CCDC3: variants seen among roughly 807,000 people sequenced by gnomAD.
CCDC3 encodes the protein coiled-coil domain-containing protein 3.
In CCDC3, 24 loss-of-function variants were observed where a neutral mutation model predicts 21.4. The observed-to-expected ratio is 1.12, with a 90% confidence interval of 0.81 to 1.58. The LOEUF (loss-of-function observed/expected upper bound fraction) is 1.58, where lower values mean the gene tolerates loss of function less well. Among genes scored for constraint, CCDC3 ranks in the 40% most tolerant of loss-of-function variants. The pLI, the probability that CCDC3 is intolerant of heterozygous loss-of-function variation, is 0.00. For synonymous variants in CCDC3, 186 were observed against 166.0 expected (o/e 1.12, Z -0.93); for missense variants, 425 against 360.9 (o/e 1.18, Z -1.44).
At position 12,919,586 on chromosome 10, in the gene CCDC3, TAAA is replaced by T. The variant is rs11413349; in HGVS notation, c.550-20910_550-20908del. Among the ~76,000 whole-genome samples the T allele has an allele frequency of 3.1e-5, 4 of 130,898 alleles. No individual in the cohort carries two copies. The East Asian group carries it at 6.7e-4, about 22-fold the overall frequency. The allele number at this position is 130,898 out of a possible 152,430, so 85.9% of individuals were successfully genotyped here. A position where few individuals can be genotyped will look rare whatever the true frequency, so the allele number is the denominator to read the frequency against. On this transcript the variant is annotated intron_variant, in intron 2 of 2. Transcript: ENST00000378825. ...GCCTGGGCTACAGAGCAAGACTGTC[TAAA>T]AAAAAAAAAAAAAAAGAAATGAGTA...
intron 3 of CCDC3, among the ~76,000 whole-genome samples, chr10:13,076,611 T>C (rs1405424210): frequency 1.3e-5 from 2 of 152,258 alleles, no homozygotes; most frequent in Non-Finnish European, 2.9e-5. Context: ...TCCTATGTAG[T>C]TATTAAACAT....
At chr10:13,082,591 C>G (rs1416738600) in intron 3 of CCDC3, among the ~76,000 whole-genome samples, 3 of 152,158 alleles carry the variant, frequency 2.0e-5, no homozygotes, top group Admixed American at 1.3e-4. Flanking sequence ...GAAAGGGAGA[C>G]TCCCTTTCCC....
chr10:13,035,053 A>G (rs551714596), intron 5 of CCDC3, among the ~76,000 whole-genome samples: 1 of 151,890 alleles, frequency 6.6e-6, no homozygotes, highest in East Asian at 1.9e-4. Flanking sequence ...AAATTAAAAA[A>G]AAAAGAGGAA....
intron 4 of CCDC3, among the ~76,000 whole-genome samples, chr10:13,063,614 T>G (rs1433713278): frequency 6.6e-5 from 10 of 152,186 alleles, no homozygotes; most frequent in African/African-American, 2.4e-4. Flanking sequence ...TAGTAAGGAA[T>G]GGATCTAAGA....
At chr10:13,070,546 G>A (rs571505602) in intron 4 of CCDC3, among the ~76,000 whole-genome samples, 5 of 152,088 alleles carry the variant, frequency 3.3e-5, no homozygotes, top group East Asian at 3.9e-4. Context: ...CCTAACCTGC[G>A]GTAGGTAAAG....
intron 1 of CCDC3, among the ~76,000 whole-genome samples, chr10:13,000,981 C>T (rs1434448742): frequency 6.6e-6 from 1 of 152,212 alleles, no homozygotes; most frequent in Non-Finnish European, 1.5e-5. Context: ...CCTTCCCTGT[C>T]TTTTAAACCG....
At chr10:13,027,057 G>C (rs1836227671) in intron 5 of CCDC3, among the ~76,000 whole-genome samples, 2 of 152,152 alleles carry the variant, frequency 1.3e-5, no homozygotes, top group South Asian at 2.1e-4. Context: ...TGGCAATCTT[G>C]GTACTTTGTA....
chr10:12,971,855 T>C (rs1004161626), intron 2 of CCDC3, among the ~76,000 whole-genome samples: 4 of 152,028 alleles, frequency 2.6e-5, no homozygotes, highest in Admixed American at 2.0e-4. Flanking sequence ...CCCGGCTAAT[T>C]TTTTTGTATT....
chr10:12,942,700 G>A (rs1035339552), intron 2 of CCDC3, among the ~76,000 whole-genome samples: 2 of 152,180 alleles, frequency 1.3e-5, no homozygotes, highest in Non-Finnish European at 2.9e-5. Context: ...TGGCACACCT[G>A]GTCCTACCAA....
Position 12,985,601 on chromosome 10 carries a change from G to A in CCDC3, c.549+12737C>T, listed in dbSNP as rs539238324. Reference sequence around the variant, plus strand: ...CATGGAATACTACCCAGCAATGAAAGGGAATCCAGTAACTTGGATTAACCT... The same window carrying A: ...CATGGAATACTACCCAGCAATGAAAAGGAATCCAGTAACTTGGATTAACCT... On this transcript the variant is annotated intron_variant, in intron 2 of 2. Coordinates refer to ENST00000378825, the MANE Select transcript of CCDC3 (RefSeq NM_031455.4). Among the ~76,000 whole-genome samples the A allele has an allele frequency of 2.0e-5, 3 of 152,148 alleles. No homozygotes were observed. The East Asian group carries it at 5.8e-4, about 29-fold the overall frequency.
chr10:12,960,389 C>T (rs1023341814), intron 2 of CCDC3, among the ~76,000 whole-genome samples: 7 of 151,954 alleles, frequency 4.6e-5, no homozygotes, highest in East Asian at 1.9e-4. Flanking sequence ...AAGACGGAGG[C>T]GGGAGAGAGA....
At chr10:13,058,009 G>T (rs552151217) in intron 4 of CCDC3, 3 of 713,576 alleles carry the variant, frequency 4.2e-6, no homozygotes, top group South Asian at 1.5e-5. Context: ...TATATTGAAA[G>T]AACTGTTTCT....
chr10:12,950,050 T>TGCTGTCTCTTCTCC (rs1401498625), intron 2 of CCDC3, among the ~76,000 whole-genome samples: 2 of 152,230 alleles, frequency 1.3e-5, no homozygotes, highest in African/African-American at 2.4e-5. Flanking sequence ...TGCTCATCTC[T>TGCTGTCTCTTCTCC]GCTGTCTCTT....
upstream of CCDC3, among the ~76,000 whole-genome samples, chr10:13,003,684 C>T (rs930745078): frequency 1.3e-5 from 2 of 152,202 alleles, no homozygotes; most frequent in African/African-American, 4.8e-5. Flanking sequence ...CTAACTGCAT[C>T]TTCAAGTGTC....
At chr10:13,073,794 T>C (rs1007065515) in intron 4 of CCDC3, 4 of 151,484 alleles carry the variant, frequency 2.6e-5, no homozygotes, top group Admixed American at 1.3e-4. Flanking sequence ...GCCCAAGACA[T>C]TTTTTTTAAA....
chr10:12,958,299 G>A (rs1023929196), intron 2 of CCDC3, among the ~76,000 whole-genome samples: 21 of 152,130 alleles, frequency 1.4e-4, no homozygotes, highest in African/African-American at 4.8e-4. Flanking sequence ...GTGTGAGGTG[G>A]CAATTTCTAG....
intron 5 of CCDC3, among the ~76,000 whole-genome samples, chr10:13,027,823 T>A (rs1311864325): frequency 1.4e-4 from 22 of 152,154 alleles, no homozygotes. Context: ...ATTTTATGGA[T>A]AATGAACTAA....
At chr10:13,058,594 G>A (rs1249910107) in intron 4 of CCDC3, 23 of 648,748 alleles carry the variant, frequency 3.5e-5, no homozygotes, top group Admixed American at 1.3e-4. Context: ...ATAGTAATCC[G>A]TTTTACCCTC....
intron 2 of CCDC3, among the ~76,000 whole-genome samples, chr10:12,955,039 G>C (rs2254322): frequency 4.6e-5 from 7 of 152,140 alleles, no homozygotes; most frequent in African/African-American, 1.7e-4. Context: ...CACTTCACAC[G>C]ATCATCACAC....
Sources: gnomAD v4.1 joint callset for allele counts (sites outside exome capture counted in the v4.1 genomes callset) on GRCh38, gnomAD v4.1.1 for gene constraint, MANE v1.5 for transcripts, NCBI Gene and HGNC (gene_info 2026-07-23, HGNC 2026-07-21) for gene names.